The following GAB2 variants were observed in gnomAD, a reference collection of about 807,000 sequenced individuals.
GAB2 encodes the protein GRB2 associated binding protein 2.
Under a neutral mutation model 65.5 loss-of-function variants are expected in GAB2, and 26 were observed. That is an observed-to-expected ratio of 0.40 (90% CI 0.29 to 0.55). GAB2 has a LOEUF of 0.55. Among genes scored for constraint, GAB2 ranks in the 20% least tolerant of loss-of-function variants. The pLI is 0.53. For missense variants in GAB2, 884 were observed against 875.8 expected, an observed-to-expected ratio of 1.01 and a Z score of -0.12; for synonymous variants, 321 against 329.6, an observed-to-expected ratio of 0.97 and a Z score of 0.28.
chr11:78,290,532 A>C (rs780768555), intron 1 of GAB2, among the ~76,000 whole-genome samples: 1 of 152,092 alleles, frequency 6.6e-6, no homozygotes, highest in Non-Finnish European at 1.5e-5. Context: ...TGAGGCTATA[A>C]CTTCCTCTTA....
intron 1 of GAB2, among the ~76,000 whole-genome samples, chr11:78,332,907 C>A (rs117144469): frequency 6.6e-6 from 1 of 152,100 alleles, no homozygotes; most frequent in African/African-American, 2.4e-5. Flanking sequence ...TAAGAACCTT[C>A]CCCTTTGCCT....
intron 1 of GAB2, among the ~76,000 whole-genome samples, chr11:78,376,182 T>C (rs1241047836): frequency 2.6e-5 from 4 of 152,212 alleles, no homozygotes; most frequent in Non-Finnish European, 5.9e-5. Flanking sequence ...CCTTAGATTG[T>C]AGTCAGCTCT....
At chr11:78,250,074 T>A (rs1865405321) in intron 3 of GAB2, 83 bp downstream of exon 3, 3 of 1,397,566 alleles carry the variant, frequency 2.1e-6, no homozygotes, top group Non-Finnish European at 3.0e-6. Context: ...ATGTTTTGCT[T>A]GTCTTTAAAA....
chr11:78,405,776 AT>A (rs1466740192), intron 1 of GAB2, among the ~76,000 whole-genome samples: 1 of 152,208 alleles, frequency 6.6e-6, no homozygotes, highest in African/African-American at 2.4e-5. Flanking sequence ...AGTTTTCTTT[AT>A]GCCTCATATA....
intron 1 of GAB2, among the ~76,000 whole-genome samples, chr11:78,394,241 T>C (rs1185276652): frequency 8.5e-5 from 13 of 152,146 alleles, no homozygotes; most frequent in Non-Finnish European, 1.3e-4. Flanking sequence ...TTAGCCGAGA[T>C]CGTGCCACTG....
chr11:78,325,183 C>G (rs1855800929), intron 1 of GAB2, among the ~76,000 whole-genome samples: 1 of 152,098 alleles, frequency 6.6e-6, no homozygotes, highest in Non-Finnish European at 1.5e-5. Flanking sequence ...ATTTTAGTTG[C>G]CTGGAAGGCT....
chr11:78,394,703 G>A (rs147209976), intron 1 of GAB2, among the ~76,000 whole-genome samples: 6 of 152,156 alleles, frequency 3.9e-5, no homozygotes, highest in Admixed American at 2.0e-4. Context: ...GTCTTCCCTG[G>A]GTCATACAGT....
intron 1 of GAB2, among the ~76,000 whole-genome samples, chr11:78,382,198 C>T (rs759215871): frequency 8.6e-5 from 13 of 152,002 alleles, no homozygotes; most frequent in African/African-American, 1.2e-4. Flanking sequence ...TTGTTTATGT[C>T]GGAATTGCAG....
intron 1 of GAB2, among the ~76,000 whole-genome samples, chr11:78,350,116 A>C (rs1660515513): frequency 1.3e-5 from 2 of 152,128 alleles, no homozygotes; most frequent in Non-Finnish European, 2.9e-5. Flanking sequence ...GGTCATGCTG[A>C]AAGTTTAAGT....
intron 1 of GAB2, among the ~76,000 whole-genome samples, chr11:78,311,557 A>C (rs1855499954): frequency 6.6e-6 from 1 of 152,230 alleles, no homozygotes; most frequent in Non-Finnish European, 1.5e-5. Flanking sequence ...TAGTAAATGC[A>C]TTACACCAAA....
Position 78,415,939 on chromosome 11 carries a change from C to CTTTTTTTT in GAB2, c.75+1699_75+1706dup, listed in dbSNP as rs1303081510. Among the ~76,000 whole-genome samples the CTTTTTTTT allele has an allele frequency of 2.7e-3, 353 of 128,962 alleles. 3 individuals carry two copies. Among genetic ancestry groups the CTTTTTTTT allele is most frequent in the African/African-American group, 9.2e-3 (325 of 35,426 alleles). 84.6% of individuals were successfully genotyped at this position (128,962 alleles called of 152,430 possible). On this transcript the variant is annotated intron_variant, in intron 1 of 9. Coordinates refer to ENST00000361507, the MANE Select transcript of GAB2 (RefSeq NM_080491.3). ...GTTCAAACTTGAAAATTAAGGGTCA[C>CTTTTTTTT]TTTTTTTTTTTTTTTTTTTACTGTG...
intron 1 of GAB2, among the ~76,000 whole-genome samples, chr11:78,297,378 T>G (rs1247449982): frequency 6.6e-6 from 1 of 152,124 alleles, no homozygotes; most frequent in Non-Finnish European, 1.5e-5. Flanking sequence ...TACAATGAAT[T>G]CATGATTCCT....
chr11:78,350,205 G>A (rs1341348626), intron 1 of GAB2, among the ~76,000 whole-genome samples: 1 of 152,186 alleles, frequency 6.6e-6, no homozygotes, highest in Non-Finnish European at 1.5e-5. Context: ...GGAGAACATG[G>A]CTTGAGCTGC....
chr11:78,305,843 T>A (rs1855345492), intron 1 of GAB2, among the ~76,000 whole-genome samples: 1 of 152,332 alleles, frequency 6.6e-6, no homozygotes, highest in South Asian at 2.1e-4. Context: ...GTTTGCAGAT[T>A]CCAACTGAGG....
At chr11:78,298,787 T>G (rs1049095290) in intron 1 of GAB2, among the ~76,000 whole-genome samples, 3 of 151,988 alleles carry the variant, frequency 2.0e-5, no homozygotes, top group African/African-American at 7.3e-5. Flanking sequence ...GGGGGAAGAG[T>G]AGACAAATGA....
chr11:78,371,477 G>A (rs1856570703), intron 1 of GAB2, among the ~76,000 whole-genome samples: 1 of 152,202 alleles, frequency 6.6e-6, no homozygotes, highest in East Asian at 1.9e-4. Context: ...TTACATAAGA[G>A]GGGCTGATTC....
At chr11:78,288,396 A>AAAAG (rs1554983795) in intron 1 of GAB2, among the ~76,000 whole-genome samples, 10 of 149,780 alleles carry the variant, frequency 6.7e-5, no homozygotes, top group African/African-American at 2.5e-4. Context: ...AAAAAAAAAA[A>AAAAG]AAGAAGAAGA....
chr11:78,240,023 G>A (rs999729490), intron 3 of GAB2, among the ~76,000 whole-genome samples: 1 of 151,884 alleles, frequency 6.6e-6, no homozygotes, highest in Non-Finnish European at 1.5e-5. Flanking sequence ...TCCCAGGGGG[G>A]TCAAGCAGAA....
At chr11:78,350,361 T>TC (rs1471645234) in intron 1 of GAB2, among the ~76,000 whole-genome samples, 1 of 152,202 alleles carries the variant, frequency 6.6e-6, no homozygotes, top group African/African-American at 2.4e-5. Context: ...AGACATGCTC[T>TC]CCCTCAGAAC....
Sources: allele counts gnomAD v4.1 joint callset (sites outside exome capture counted in the v4.1 genomes callset), GRCh38; gene constraint gnomAD v4.1.1; transcripts MANE v1.5; gene names NCBI Gene and HGNC (gene_info 2026-07-23, HGNC 2026-07-21).